The following CFAP20DC variants were observed in gnomAD, a reference collection of about 807,000 sequenced individuals.
CFAP20DC encodes CFAP20 domain containing.
CFAP20DC carries 84 observed loss-of-function variants against 101.7 expected under a neutral mutation model. The ratio of observed to expected loss-of-function variants is 0.83; its 90% CI spans 0.69 to 0.99. The LOEUF is 0.99. Ranked by LOEUF, CFAP20DC falls within the 50% of genes least tolerant of loss-of-function variation. The pLI, the probability that CFAP20DC is intolerant of heterozygous loss-of-function variation, is 0.00. For missense variants in CFAP20DC, 1,007 were observed against 970.3 expected (o/e 1.04, Z -0.50); for synonymous variants, 359 against 351.2 (o/e 1.02, Z -0.25).
In CFAP20DC at chr3:58,817,532, G is replaced by C. The variant is rs1170064687; in HGVS notation, c.2176-11076C>G. 5.5e-4 allele frequency among the ~76,000 whole-genome samples: 80 copies of C among 145,450 alleles called. 2 individuals are homozygous for C. Among genetic ancestry groups the C allele is most frequent in the Admixed American group, 2.8e-3 (40 of 14,438 alleles). On this transcript the variant is annotated intron_variant, in intron 14 of 16. Transcript: ENST00000482387. ...AGCCGATGCGATCAACTGGAAGAAA[G>C]GGTATCAGCAATGGAAGATGAAATG...
intron 15 of CFAP20DC, among the ~76,000 whole-genome samples, chr3:58,792,797 T>A (rs2072960627): frequency 6.6e-6 from 1 of 152,002 alleles, no homozygotes; most frequent in East Asian, 1.9e-4. Flanking sequence ...CAGTGGCATC[T>A]TTGAAGCATT....
At chr3:58,742,618 C>T (rs754219314) in intron 16 of CFAP20DC, 46 bp from the exon 17 acceptor site, 10 of 1,449,120 alleles carry the variant, frequency 6.9e-6, no homozygotes, top group South Asian at 3.9e-5. Context: ...TGGCTTGGCC[C>T]GGAATCCCCA....
At chr3:58,944,576 G>A (rs373641905) in intron 4 of CFAP20DC, among the ~76,000 whole-genome samples, 15 of 152,098 alleles carry the variant, frequency 9.9e-5, no homozygotes, top group East Asian at 3.8e-4. Context: ...TATAGACATC[G>A]TGCTAAGTGC....
At chr3:59,041,276 T>C (rs986624944) in intron 3 of CFAP20DC, among the ~76,000 whole-genome samples, 1 of 152,136 alleles carries the variant, frequency 6.6e-6, no homozygotes, top group Non-Finnish European at 1.5e-5. Flanking sequence ...GGCATTTTTA[T>C]ATGAGCATTT....
chr3:58,902,449 C>T (rs1343587798), intron 6 of CFAP20DC, among the ~76,000 whole-genome samples: 2 of 152,130 alleles, frequency 1.3e-5, no homozygotes, highest in Non-Finnish European at 2.9e-5. Context: ...ACATCCTTGC[C>T]AACCCTTATT....
intron 15 of CFAP20DC, among the ~76,000 whole-genome samples, chr3:58,766,369 C>T (rs2070312765): frequency 6.6e-6 from 1 of 152,106 alleles, no homozygotes; most frequent in Non-Finnish European, 1.5e-5. Flanking sequence ...TATGAAAATT[C>T]CTGCCAATTT....
intron 5 of CFAP20DC, among the ~76,000 whole-genome samples, chr3:58,937,187 C>A (rs2107775416): frequency 6.6e-6 from 1 of 152,310 alleles, no homozygotes; most frequent in African/African-American, 2.4e-5. Flanking sequence ...CTTTTTCAAT[C>A]TGGCAACAAG....
In CFAP20DC at chr3:58,742,404, TG is replaced by T; in HGVS notation, c.*55del. 6.6e-7 allele frequency: 1 copy of T among 1,508,964 alleles called. No individual in the cohort carries two copies. Among genetic ancestry groups the T allele is most frequent in the Non-Finnish European group, 8.9e-7 (1 of 1,125,908 alleles). 93.5% of individuals were successfully genotyped at this position (1,508,964 alleles called of 1,614,324 possible). ...GTTGTGGTGACTCCTTAAGCGACCCTGAACTGCTATTCTGCTCCAGCTGGGA... is the reference window on the plus strand; with the variant it reads ...GTTGTGGTGACTCCTTAAGCGACCCTAACTGCTATTCTGCTCCAGCTGGGA... On this transcript the variant is annotated 3_prime_UTR_variant, in exon 17 of 17. Coordinates refer to ENST00000482387, the MANE Select transcript of CFAP20DC (RefSeq NM_001394063.1).
chr3:58,770,017 T>C (rs1204460446), intron 15 of CFAP20DC, among the ~76,000 whole-genome samples: 1 of 152,216 alleles, frequency 6.6e-6, no homozygotes, highest in Non-Finnish European at 1.5e-5. Flanking sequence ...CTCTATTAAA[T>C]ATACTTTATA....
intron 7 of CFAP20DC, among the ~76,000 whole-genome samples, chr3:58,875,972 T>C (rs2080717809): frequency 6.6e-6 from 1 of 152,158 alleles, no homozygotes; most frequent in South Asian, 2.1e-4. Flanking sequence ...ATGCTATTAT[T>C]CCCAAATCAC....
chr3:58,944,361 T>G (rs989918837), intron 4 of CFAP20DC, among the ~76,000 whole-genome samples: 4 of 152,208 alleles, frequency 2.6e-5, no homozygotes, highest in African/African-American at 9.7e-5. Context: ...TTTAACACTT[T>G]TATTCATTTT....
intron 15 of CFAP20DC, among the ~76,000 whole-genome samples, chr3:58,804,882 T>C (rs2073949563): frequency 6.6e-6 from 1 of 152,238 alleles, no homozygotes; most frequent in Non-Finnish European, 1.5e-5. Flanking sequence ...CTTTAGTGTA[T>C]CTATTTGTGA....
intron 14 of CFAP20DC, among the ~76,000 whole-genome samples, chr3:58,830,750 G>T (rs1173911735): frequency 6.6e-6 from 1 of 152,126 alleles, no homozygotes; most frequent in African/African-American, 2.4e-5. Context: ...ATTTTAGTCT[G>T]TTTGCTATGA....
intron 13 of CFAP20DC, among the ~76,000 whole-genome samples, chr3:58,839,257 G>T (rs2076943503): frequency 6.6e-6 from 1 of 152,218 alleles, no homozygotes; most frequent in African/African-American, 2.4e-5. Context: ...GCCCATTGTG[G>T]TGGAAGGTGC....
chr3:58,844,616 C>T (rs374487062), intron 13 of CFAP20DC, among the ~76,000 whole-genome samples: 1 of 114,664 alleles, frequency 8.7e-6, no homozygotes, highest in African/African-American at 4.6e-5. Flanking sequence ...GACAGAAAGT[C>T]AACAAGGATA....
Position 58,814,364 on chromosome 3 carries a change from A to G in CFAP20DC, c.2176-7908T>C, listed in dbSNP as rs571199811. On this transcript the variant is annotated intron_variant, in intron 14 of 16. Transcript: ENST00000482387. ...TATTGATGGGACGTATTTCAAAATA[A>G]TAAGAGCTATCTATGACAAACCCAC... 3.3e-5 allele frequency among the ~76,000 whole-genome samples: 5 copies of G among 151,882 alleles called. No individual in the cohort carries two copies. In the East Asian group the frequency reaches 9.7e-4, roughly 29 times the overall value.
At chr3:58,755,441 A>AT (rs1242878613) in intron 15 of CFAP20DC, among the ~76,000 whole-genome samples, 1 of 152,088 alleles carries the variant, frequency 6.6e-6, no homozygotes, top group African/African-American at 2.4e-5. Flanking sequence ...CTCATTACTC[A>AT]ATAAGGGTGA....
At chr3:58,820,580 T>G (rs1165764320) in intron 14 of CFAP20DC, among the ~76,000 whole-genome samples, 1 of 151,742 alleles carries the variant, frequency 6.6e-6, no homozygotes, top group African/African-American at 2.4e-5. Flanking sequence ...GGAATCCAAC[T>G]TACAAGGGAT....
chr3:58,811,362 G>C (rs1243322762), intron 14 of CFAP20DC, among the ~76,000 whole-genome samples: 1 of 152,016 alleles, frequency 6.6e-6, no homozygotes, highest in Non-Finnish European at 1.5e-5. Flanking sequence ...CAGAGATATA[G>C]ATCAATGGAA....
Sources: allele counts gnomAD v4.1 joint callset (sites outside exome capture counted in the v4.1 genomes callset), GRCh38; gene constraint gnomAD v4.1.1; transcripts MANE v1.5; gene names NCBI Gene and HGNC (gene_info 2026-07-23, HGNC 2026-07-21).